The following CELF2 variants were observed in gnomAD, a reference collection of about 807,000 sequenced individuals.
CELF2 encodes CUGBP Elav-like family member 2, also known as CUG triplet repeat RNA-binding protein 2.
In CELF2, 8 loss-of-function variants were observed where a neutral mutation model predicts 62.6. The observed-to-expected ratio is 0.13, with a 90% CI of 0.07 to 0.23. The LOEUF is 0.23. CELF2 is among the 10% of genes least tolerant of loss of function. The pLI, the probability that CELF2 is intolerant of heterozygous loss-of-function variation, is 1.00. For missense variants in CELF2, 333 were observed against 671.0 expected, an observed-to-expected ratio of 0.50 and a Z score of 5.56; for synonymous variants, 258 against 250.0, an observed-to-expected ratio of 1.03 and a Z score of -0.30.
At chr10:10,755,249 A>G in the CELF2 span, among the ~76,000 whole-genome samples, 2 of 152,218 alleles carry the variant, frequency 1.3e-5, no homozygotes, top group South Asian at 4.1e-4. Context: ...ACTTGGGATG[A>G]CAGAGTGAGA....
In CELF2 at chr10:11,050,027, T is replaced by C. The variant is rs561821406; in HGVS notation, c.74+31864T>C. On this transcript the variant is annotated intron_variant, in intron 1 of 12. Transcript: ENST00000633077. ...TGGCCTGTCAGGTGCTCAGAGGGCC[T>C]TCTGGGGCAGGCAGTATTTATGATA... is the stretch of plus-strand genomic sequence containing the variant. Among the ~76,000 whole-genome samples, 66 of 152,348 alleles carry C rather than the reference T, an allele frequency of 4.3e-4. No individual in the cohort carries two copies. The South Asian group carries it at 5.8e-3, about 13-fold the overall frequency.
intron 2 of CELF2, among the ~76,000 whole-genome samples, chr10:10,955,485 A>C (rs1258907461): frequency 6.6e-6 from 1 of 152,230 alleles, no homozygotes; most frequent in Admixed American, 6.5e-5. Context: ...CCCGAAACAC[A>C]GTTCAGAACC....
At chr10:10,509,809 G>T in the CELF2 span, among the ~76,000 whole-genome samples, 1 of 152,302 alleles carries the variant, frequency 6.6e-6, no homozygotes, top group Middle Eastern at 3.4e-3. Flanking sequence ...TAGTCGCTTT[G>T]CAGAAAAGCC....
chr10:10,493,254 A>C, the CELF2 span, among the ~76,000 whole-genome samples: 1 of 152,170 alleles, frequency 6.6e-6, no homozygotes, highest in Non-Finnish European at 1.5e-5. Flanking sequence ...GAAAAGTAGA[A>C]TGGTGATTGC....
At chr10:11,014,756 A>T (rs530820485), upstream of CELF2, among the ~76,000 whole-genome samples, 1 of 152,298 alleles carries the variant, frequency 6.6e-6, no homozygotes, top group East Asian at 1.9e-4. Context: ...AAGGCCTCAT[A>T]TAAAATGAGG....
intron 1 of CELF2, among the ~76,000 whole-genome samples, chr10:10,829,306 C>T (rs1241816657): frequency 6.6e-6 from 1 of 152,166 alleles, no homozygotes; most frequent in Admixed American, 6.5e-5. Flanking sequence ...ACAGTAAAAA[C>T]AGAATAGCTT....
the CELF2 span, among the ~76,000 whole-genome samples, chr10:10,536,484 T>G: frequency 1.8e-3 from 274 of 152,364 alleles, no homozygotes; most frequent in African/African-American, 6.3e-3. Context: ...TTAAGTGAAG[T>G]GTTCCTCACG....
Position 11,318,557 on chromosome 10 carries a change from T to G in CELF2, c.1097-2632T>G. 1 of 366,804 alleles carries G rather than the reference T, an allele frequency of 2.7e-6. No homozygotes were observed. The highest frequency in any genetic ancestry group is 3.8e-5 in the Admixed American group (1 of 26,600). The allele number at this position is 366,804 out of a possible 1,614,324, so 22.7% of individuals were successfully genotyped here. On this transcript the variant is annotated intron_variant, in intron 10 of 12. Transcript: ENST00000633077. The surrounding 1 kb of genome is among the most constrained non-coding windows in gnomAD (Gnocchi z 5.4). ...GTAGTCCAGAGACACAGCCAGCCTCTGTGAAGTGGAGCCAGGAGAGAAGGA... is the reference window on the plus strand; with the variant it reads ...GTAGTCCAGAGACACAGCCAGCCTCGGTGAAGTGGAGCCAGGAGAGAAGGA...
At chr10:10,608,303 GT>G in the CELF2 span, among the ~76,000 whole-genome samples, 1 of 152,120 alleles carries the variant, frequency 6.6e-6, no homozygotes, top group Non-Finnish European at 1.5e-5. Context: ...GAGAGAAAGC[GT>G]TTTTGAACAC....
chr10:11,223,461 G>C lies in CELF2; in HGVS notation c.354+5954G>C, dbSNP rs1424106564. Among the ~76,000 whole-genome samples the C allele has an allele frequency of 2.0e-5, 3 of 152,198 alleles. No homozygotes were observed. Among genetic ancestry groups the C allele is most frequent in the African/African-American group, 7.2e-5 (3 of 41,432 alleles). Reference sequence around the variant, plus strand: ...GATGTACATTTGCAGAATTTGGCCTGGGCTGAGAAATTCGCCCTCATGGGA... The same window carrying C: ...GATGTACATTTGCAGAATTTGGCCTCGGCTGAGAAATTCGCCCTCATGGGA... On this transcript the variant is annotated intron_variant, in intron 3 of 12. Coordinates refer to ENST00000633077, the MANE Select transcript of CELF2 (RefSeq NM_001326342.2). The surrounding 1 kb of genome is among the most constrained non-coding windows in gnomAD (Gnocchi z 5.1).
the CELF2 span, among the ~76,000 whole-genome samples, chr10:10,681,022 AT>A: frequency 6.6e-6 from 1 of 152,104 alleles, no homozygotes; most frequent in Non-Finnish European, 1.5e-5. Flanking sequence ...AAATATTTTG[AT>A]TTGCTTCTCT....
intron 9 of CELF2, among the ~76,000 whole-genome samples, chr10:11,292,102 C>A (rs2092603749): frequency 6.6e-6 from 1 of 152,294 alleles, no homozygotes. Flanking sequence ...TGCTAGGAAG[C>A]ATTTTTTCAT....
chr10:11,286,507 C>T (rs1389355363), intron 8 of CELF2, among the ~76,000 whole-genome samples: 1 of 152,232 alleles, frequency 6.6e-6, no homozygotes, highest in Non-Finnish European at 1.5e-5. Flanking sequence ...GGTGCTCCCT[C>T]ACACTCAAGT....
chr10:10,527,649 A>G, the CELF2 span, among the ~76,000 whole-genome samples: 1 of 152,204 alleles, frequency 6.6e-6, no homozygotes, highest in East Asian at 1.9e-4. Context: ...ACCTTAGAGG[A>G]TACACTGGAG....
At chr10:11,020,806 T>C (rs2058191503) in intron 1 of CELF2, among the ~76,000 whole-genome samples, 1 of 152,236 alleles carries the variant, frequency 6.6e-6, no homozygotes, top group South Asian at 2.1e-4. Flanking sequence ...AGCTATCCAG[T>C]GTTTAAAGAG....
chr10:10,673,700 T>C, the CELF2 span, among the ~76,000 whole-genome samples: 1 of 152,190 alleles, frequency 6.6e-6, no homozygotes, highest in Non-Finnish European at 1.5e-5. Context: ...AAAGCACTGA[T>C]TTCGCTGCAT....
chr10:10,578,439 G>A, the CELF2 span, among the ~76,000 whole-genome samples: 7 of 152,234 alleles, frequency 4.6e-5, no homozygotes, highest in East Asian at 1.2e-3. Context: ...CCTTGCCCAT[G>A]CCTATGTCCT....
At chr10:10,903,872 G>A (rs1479770944) in intron 1 of CELF2, among the ~76,000 whole-genome samples, 2 of 152,220 alleles carry the variant, frequency 1.3e-5, no homozygotes. Flanking sequence ...GGGGAGGCCA[G>A]CTGATCCCCA....
intron 1 of CELF2, among the ~76,000 whole-genome samples, chr10:11,045,106 AGAACTTGTGTTCCGCAG>A (rs1356462526): frequency 6.6e-6 from 1 of 152,202 alleles, no homozygotes; most frequent in Non-Finnish European, 1.5e-5. Flanking sequence ...GCTGTGACTG[AGAACTTGTGTTCCGCAG>A]TCAGGATTAC....
Sources: allele counts gnomAD v4.1 joint callset (sites outside exome capture counted in the v4.1 genomes callset), GRCh38; gene constraint gnomAD v4.1.1; non-coding constraint Gnocchi (gnomAD v3.1); transcripts MANE v1.5; gene names NCBI Gene and HGNC (gene_info 2026-07-23, HGNC 2026-07-21).